CNTNAP2: variants seen among roughly 807,000 people sequenced by gnomAD.
The protein encoded by CNTNAP2 is contactin associated protein 2, also known as contactin-associated protein-like 2.
In CNTNAP2, 98 loss-of-function variants were observed where a neutral mutation model predicts 155.2. That is an observed-to-expected ratio of 0.63 (90% confidence interval 0.54 to 0.75). The LOEUF is 0.75. Among genes scored for constraint, CNTNAP2 ranks in the 30% least tolerant of loss-of-function variants. The pLI is 0.00. For synonymous variants in CNTNAP2, 651 were observed against 631.2 expected (o/e 1.03, Z -0.47); for missense variants, 1,727 against 1,688.1 (o/e 1.02, Z -0.40).
At chr7:148,247,757 G>A (rs1041037072) in intron 20 of CNTNAP2, among the ~76,000 whole-genome samples, 1 of 151,308 alleles carries the variant, frequency 6.6e-6, no homozygotes, top group South Asian at 2.1e-4. Flanking sequence ...AGGTTCAAGC[G>A]ATTCTCCTGC....
chr7:146,923,740 C>T (rs1796551183), intron 3 of CNTNAP2, among the ~76,000 whole-genome samples: 1 of 152,154 alleles, frequency 6.6e-6, no homozygotes, highest in Admixed American at 6.6e-5. Flanking sequence ...GACCCAACCA[C>T]AAATAGGTCC....
intron 19 of CNTNAP2, among the ~76,000 whole-genome samples, chr7:148,228,347 G>A (rs1354442828): frequency 6.6e-6 from 1 of 152,100 alleles, no homozygotes; most frequent in African/African-American, 2.4e-5. Context: ...TTATTGTTGG[G>A]ACGAAGCAAG....
rs1796488645 is a variant in CNTNAP2 at position 146,451,880 on chromosome 7, CACAT to C, written c.98-322389_98-322386del. 2.8e-5 allele frequency among the ~76,000 whole-genome samples: 3 copies of C among 106,210 alleles called. No homozygotes were observed. The African/African-American group carries it at 2.9e-4, about 10-fold the overall frequency. The allele number at this position is 106,210 out of a possible 152,430, so 69.7% of individuals were successfully genotyped here. A position where few individuals can be genotyped will look rare whatever the true frequency, so the allele number is the denominator to read the frequency against. On this transcript the variant is annotated intron_variant, in intron 1 of 23. Coordinates refer to ENST00000361727, the MANE Select transcript of CNTNAP2 (RefSeq NM_014141.6). ...CTATATATATATATACGTATATATA[CACAT>C]ATACATATATTTATTTATTTATTAT...
At chr7:147,012,980 T>G (rs1164942247) in intron 3 of CNTNAP2, among the ~76,000 whole-genome samples, 1 of 152,060 alleles carries the variant, frequency 6.6e-6, no homozygotes, top group Non-Finnish European at 1.5e-5. Flanking sequence ...ATGATAAAAA[T>G]CAAATTAATG....
At chr7:147,270,309 G>C (rs554056054) in intron 8 of CNTNAP2, among the ~76,000 whole-genome samples, 5 of 147,854 alleles carry the variant, frequency 3.4e-5, no homozygotes, top group Admixed American at 2.0e-4. Context: ...GTATTTGTAT[G>C]TACATAGTTT....
intron 8 of CNTNAP2, among the ~76,000 whole-genome samples, chr7:147,174,434 A>C (rs1802293672): frequency 6.6e-6 from 1 of 152,210 alleles, no homozygotes; most frequent in South Asian, 2.1e-4. Context: ...TATCATTTTC[A>C]ATACTACTCC....
At chr7:146,835,392 T>C (rs904020515) in intron 2 of CNTNAP2, among the ~76,000 whole-genome samples, 2 of 152,182 alleles carry the variant, frequency 1.3e-5, no homozygotes, top group Non-Finnish European at 2.9e-5. Context: ...TAGAACTCTG[T>C]ATGAAATTGG....
At chr7:147,302,371 A>C (rs1794960798) in intron 9 of CNTNAP2, among the ~76,000 whole-genome samples, 1 of 152,192 alleles carries the variant, frequency 6.6e-6, no homozygotes, top group South Asian at 2.1e-4. Flanking sequence ...CATAGAGTTT[A>C]TAGGATATGA....
intron 15 of CNTNAP2, among the ~76,000 whole-genome samples, chr7:148,077,152 A>G (rs1412867639): frequency 6.6e-6 from 1 of 152,090 alleles, no homozygotes; most frequent in South Asian, 2.1e-4. Flanking sequence ...TACTAAAAAT[A>G]CAAAATTAGC....
At chr7:147,751,804 T>A (rs554953603) in intron 13 of CNTNAP2, among the ~76,000 whole-genome samples, 1 of 152,256 alleles carries the variant, frequency 6.6e-6, no homozygotes, top group Non-Finnish European at 1.5e-5. Flanking sequence ...ATACATCCTC[T>A]TAGGTACCTG....
intron 3 of CNTNAP2, among the ~76,000 whole-genome samples, chr7:146,907,712 A>T (rs879571936): frequency 6.6e-6 from 1 of 150,910 alleles, no homozygotes; most frequent in African/African-American, 2.4e-5. Flanking sequence ...AAATGTAAAG[A>T]CCATCGAGAC....
At position 148,420,745 on chromosome 7, in the gene CNTNAP2, G is replaced by A. The variant is rs575597365; in HGVS notation, c.*5129G>A. 5.2e-5 allele frequency: 8 copies of A among 152,646 alleles called. No individual in the cohort carries two copies. The East Asian group carries it at 5.8e-4, about 11-fold the overall frequency. The allele number at this position is 152,646 out of a possible 1,614,324, so 9.5% of individuals were successfully genotyped here. A position where few individuals can be genotyped will look rare whatever the true frequency, so the allele number is the denominator to read the frequency against. On this transcript the variant is annotated 3_prime_UTR_variant, in exon 24 of 24. Coordinates refer to ENST00000361727, the MANE Select transcript of CNTNAP2 (RefSeq NM_014141.6). ...GGTTTTTTAAATTTTTTCAGTGAGC[G>A]TGGTGACTGCAGAGGTTAGTGCTGT...
chr7:147,910,964 C>T (rs758824841), intron 14 of CNTNAP2, among the ~76,000 whole-genome samples: 3 of 152,144 alleles, frequency 2.0e-5, no homozygotes, highest in Non-Finnish European at 2.9e-5. Flanking sequence ...GGTAAATACA[C>T]ATAAAATGAA....
At chr7:147,206,580 A>G (rs1301923450) in intron 8 of CNTNAP2, among the ~76,000 whole-genome samples, 1 of 152,080 alleles carries the variant, frequency 6.6e-6, no homozygotes, top group African/African-American at 2.4e-5. Flanking sequence ...AAATAAAATA[A>G]ATTAGCAGAG....
In CNTNAP2 at chr7:148,351,434, C is replaced by A. The variant is rs185164112; in HGVS notation, c.3476-32215C>A. Among the ~76,000 whole-genome samples, 187 of 151,940 alleles carry A rather than the reference C, an allele frequency of 1.2e-3. 2 individuals are homozygous for A. The highest frequency in any genetic ancestry group is 2.3e-3 in the Non-Finnish European group (157 of 67,942). ...GAAAGTGTGGTGCATTGTTTAGTACCCTGTTGGCTGCTATAATAGAGAAAC... is the reference window on the plus strand; with the variant it reads ...GAAAGTGTGGTGCATTGTTTAGTACACTGTTGGCTGCTATAATAGAGAAAC... On this transcript the variant is annotated intron_variant, in intron 21 of 23. Coordinates refer to ENST00000361727, the MANE Select transcript of CNTNAP2 (RefSeq NM_014141.6).
chr7:148,098,951 A>C (rs1037929229), intron 15 of CNTNAP2, among the ~76,000 whole-genome samples: 2 of 152,216 alleles, frequency 1.3e-5, no homozygotes, highest in Admixed American at 6.5e-5. Flanking sequence ...AGCCGCATCA[A>C]CATCCAGTGT....
intron 8 of CNTNAP2, among the ~76,000 whole-genome samples, chr7:147,192,182 C>T (rs1296522950): frequency 1.3e-5 from 2 of 152,150 alleles, no homozygotes; most frequent in African/African-American, 2.4e-5. Context: ...AAGTAATGTC[C>T]TTTTCTCTAT....
At chr7:147,070,855 G>C (rs1467020377) in intron 4 of CNTNAP2, among the ~76,000 whole-genome samples, 1 of 152,110 alleles carries the variant, frequency 6.6e-6, no homozygotes, top group Non-Finnish European at 1.5e-5. Flanking sequence ...CGATGGAAAT[G>C]TATCAGAACA....
At chr7:146,945,373 C>T (rs954275861) in intron 3 of CNTNAP2, among the ~76,000 whole-genome samples, 2 of 152,146 alleles carry the variant, frequency 1.3e-5, no homozygotes, top group Non-Finnish European at 1.5e-5. Context: ...TGTCTCAACC[C>T]GGGAATATCC....
Sources: allele counts gnomAD v4.1 joint callset (sites outside exome capture counted in the v4.1 genomes callset), GRCh38; gene constraint gnomAD v4.1.1; transcripts MANE v1.5; gene names NCBI Gene and HGNC (gene_info 2026-07-23, HGNC 2026-07-21).